Variants in MAPK14 observed in about 807,000 individuals in gnomAD.
The protein encoded by MAPK14 is mitogen-activated protein kinase 14.
Under a neutral mutation model 49.6 loss-of-function variants are expected in MAPK14, and 16 were observed. That is an observed-to-expected ratio of 0.32 (90% CI 0.22 to 0.49). The LOEUF (loss-of-function observed/expected upper bound fraction) is 0.49. Among genes scored for constraint, MAPK14 ranks in the 20% least tolerant of loss-of-function variants. The pLI is 0.99. For missense variants in MAPK14, 200 were observed against 441.2 expected (o/e 0.45, Z 4.90); for synonymous variants, 142 against 158.0 (o/e 0.90, Z 0.76).
intron 1 of MAPK14, among the ~76,000 whole-genome samples, chr6:36,032,830 T>TATAACAAAACCTTTGGTAAAAGG (rs1762593699): frequency 1.3e-5 from 2 of 152,198 alleles, no homozygotes; most frequent in African/African-American, 4.8e-5. Flanking sequence ...ATAAAAAGTA[T>TATAACAAAACCTTTGGTAAAAGG]ATAACAAAAC....
At chr6:36,105,584 A>ATG (rs1219087021) in intron 10 of MAPK14, among the ~76,000 whole-genome samples, 2 of 152,240 alleles carry the variant, frequency 1.3e-5, no homozygotes, top group African/African-American at 4.8e-5. Flanking sequence ...ATATATATAT[A>ATG]TATAATCCAG....
intron 8 of MAPK14, among the ~76,000 whole-genome samples, chr6:36,077,683 TC>T (rs1276703355): frequency 6.6e-6 from 1 of 152,192 alleles, no homozygotes; most frequent in Non-Finnish European, 1.5e-5. Context: ...TAAAGCTGTT[TC>T]TTTCTCTCTG....
intron 1 of MAPK14, among the ~76,000 whole-genome samples, chr6:36,049,689 C>T (rs1002729428): frequency 2.0e-5 from 3 of 152,112 alleles, no homozygotes; most frequent in East Asian, 1.9e-4. Flanking sequence ...TGGCTGAAGG[C>T]GGTAAACAAG....
At chr6:36,059,437 A>C (rs947627600) in intron 3 of MAPK14, 90 bp downstream of exon 3, 26 of 933,616 alleles carry the variant, frequency 2.8e-5, no homozygotes, top group Middle Eastern at 4.3e-4. Context: ...CAACATATAG[A>C]CTTCAAAAAA....
downstream of MAPK14, among the ~76,000 whole-genome samples, chr6:36,116,185 C>A (rs915838788): frequency 9.2e-5 from 14 of 152,180 alleles, no homozygotes; most frequent in Non-Finnish European, 1.8e-4. Flanking sequence ...TGTACCTATA[C>A]ATAGAATCAC....
intron 8 of MAPK14, among the ~76,000 whole-genome samples, chr6:36,086,385 A>G (rs1764986674): frequency 6.6e-6 from 1 of 152,156 alleles, no homozygotes; most frequent in Non-Finnish European, 1.5e-5. Flanking sequence ...ATTTTGAAAA[A>G]CATAAAATAA....
chr6:36,112,702 A>G (rs1201336992), downstream of MAPK14, among the ~76,000 whole-genome samples: 1 of 151,726 alleles, frequency 6.6e-6, no homozygotes, highest in East Asian at 1.9e-4. Context: ...CTTTCCTTTT[A>G]TTGTTAACTG....
intron 1 of MAPK14, among the ~76,000 whole-genome samples, chr6:36,049,879 G>A (rs565637647): frequency 6.6e-6 from 1 of 152,274 alleles, no homozygotes; most frequent in African/African-American, 2.4e-5. Flanking sequence ...CAAGAGGGAA[G>A]GTGGAGACGA....
chr6:36,090,487 G>T (rs994791909), intron 8 of MAPK14, among the ~76,000 whole-genome samples: 3 of 150,670 alleles, frequency 2.0e-5, no homozygotes, highest in Admixed American at 2.0e-4. Flanking sequence ...GGGATTACAG[G>T]TGTGGCCACT....
intron 8 of MAPK14, among the ~76,000 whole-genome samples, chr6:36,088,151 T>C (rs572736584): frequency 6.7e-6 from 1 of 149,460 alleles, no homozygotes; most frequent in East Asian, 1.9e-4. Flanking sequence ...GACTTAAATG[T>C]AGAACCCAAA....
chr6:36,057,035 A>G (rs531184619), intron 2 of MAPK14, among the ~76,000 whole-genome samples: 232 of 152,350 alleles, frequency 1.5e-3, no homozygotes, highest in African/African-American at 4.8e-3. Context: ...GGAGGCATGT[A>G]AGTTGGCCTT....
Position 36,042,476 on chromosome 6 carries a change from C to CTT in MAPK14, c.117-10203_117-10202dup, listed in dbSNP as rs113286534. On this transcript the variant is annotated intron_variant, in intron 1 of 11. Transcript: ENST00000229794. ...TTTTAAAGCTTCAGTGAAGGAATAT[C>CTT]TTTTTTTTTTTTTTTTTTTTTGGCT... is the stretch of plus-strand genomic sequence containing the variant. Among the ~76,000 whole-genome samples, 404 of 102,610 alleles carry CTT rather than the reference C, an allele frequency of 3.9e-3. 2 individuals carry two copies. The highest frequency in any genetic ancestry group is 0.019 in the East Asian group (62 of 3,196). 67.3% of individuals were successfully genotyped at this position (102,610 alleles called of 152,430 possible). A position where few individuals can be genotyped will look rare whatever the true frequency, so the allele number is the denominator to read the frequency against.
rs61763099 is a variant in MAPK14, at chr6:36,028,442, C to G, written c.116+169C>G. ...GTTCTGCACCTCCAGCACCCCTCGC[C>G]CTGCACTCACGCAGGTATGCGGTCC... On this transcript the variant is annotated intron_variant, in intron 1 of 11. Coordinates refer to ENST00000229794, the MANE Select transcript of MAPK14 (RefSeq NM_139012.3). This position sits in a 1 kb window ranked among gnomAD's most constrained non-coding sequence, Gnocchi z 5.1. Among the ~76,000 whole-genome samples, 1,364 of 152,356 alleles carry G rather than the reference C, an allele frequency of 9.0e-3. 17 individuals are homozygous for G. The highest frequency in any genetic ancestry group is 0.032 in the African/African-American group (1,310 of 41,586).
chr6:36,063,588 C>G (rs1763917973), intron 3 of MAPK14, among the ~76,000 whole-genome samples: 1 of 152,106 alleles, frequency 6.6e-6, no homozygotes, highest in Admixed American at 6.6e-5. Context: ...TATATGTGGT[C>G]CACTGTTGAC....
intron 1 of MAPK14, among the ~76,000 whole-genome samples, chr6:36,032,984 AT>A (rs5875529): frequency 0.75 from 110,680 of 147,350 alleles, 41,517 homozygotes; most frequent in South Asian, 0.88. Flanking sequence ...TTTTAAATCT[AT>A]TTTTTTTTTT....
At chr6:36,119,722 G>T in the MAPK14 span, among the ~76,000 whole-genome samples, 1 of 152,090 alleles carries the variant, frequency 6.6e-6, no homozygotes, top group Non-Finnish European at 1.5e-5. Context: ...CATCTAGTGG[G>T]TAGAGGCCAG....
rs748284470 is a variant in MAPK14 at position 36,028,453 on chromosome 6, G to T, written c.116+180G>T. Among the ~76,000 whole-genome samples, 3 of 152,234 alleles carry T rather than the reference G, an allele frequency of 2.0e-5. No individual in the cohort carries two copies. Among genetic ancestry groups the T allele is most frequent in the African/African-American group, 7.2e-5 (3 of 41,460 alleles). On this transcript the variant is annotated intron_variant, in intron 1 of 11. Coordinates refer to ENST00000229794, the MANE Select transcript of MAPK14 (RefSeq NM_139012.3). This position sits in a 1 kb window ranked among gnomAD's most constrained non-coding sequence, Gnocchi z 5.1. ...CCAGCACCCCTCGCCCTGCACTCAC[G>T]CAGGTATGCGGTCCACCGTGTGCAG...
intron 8 of MAPK14, among the ~76,000 whole-genome samples, chr6:36,095,547 C>G (rs1462369100): frequency 6.6e-6 from 1 of 152,194 alleles, no homozygotes; most frequent in Middle Eastern, 3.2e-3. Context: ...CTCCTGTCTT[C>G]TGCTGCTTTT....
chr6:36,030,364 G>A (rs2127388560), intron 1 of MAPK14, among the ~76,000 whole-genome samples: 1 of 152,228 alleles, frequency 6.6e-6, no homozygotes, highest in Middle Eastern at 3.4e-3. Flanking sequence ...AAAATACATT[G>A]ACATTGTATA....
Sources: gnomAD v4.1 joint callset for allele counts (sites outside exome capture counted in the v4.1 genomes callset) on GRCh38, gnomAD v4.1.1 for gene constraint, Gnocchi (gnomAD v3.1) non-coding constraint, MANE v1.5 for transcripts, NCBI Gene and HGNC (gene_info 2026-07-23, HGNC 2026-07-21) for gene names.